Variants in SPAG6 observed in about 807,000 individuals in gnomAD.
SPAG6 encodes sperm associated antigen 6.
SPAG6 carries 49 observed loss-of-function variants against 58.5 expected under a neutral mutation model. The observed-to-expected ratio is 0.84, with a 90% confidence interval of 0.67 to 1.06. SPAG6 has a LOEUF of 1.06. Among genes scored for constraint, SPAG6 ranks in the 50% least tolerant of loss-of-function variants. The pLI is 0.00. For synonymous variants in SPAG6, 233 were observed against 225.6 expected (o/e 1.03, Z -0.29); for missense variants, 560 against 611.3 (o/e 0.92, Z 0.89).
intron 9 of SPAG6, among the ~76,000 whole-genome samples, chr10:22,409,199 A>T (rs895713785): frequency 6.6e-6 from 1 of 152,356 alleles, no homozygotes; most frequent in African/African-American, 2.4e-5. Flanking sequence ...CTAAAAAGAG[A>T]TGATAAAGCA....
intron 10 of SPAG6, among the ~76,000 whole-genome samples, chr10:22,413,482 G>T (rs1456579868): frequency 6.6e-6 from 1 of 151,758 alleles, no homozygotes; most frequent in East Asian, 1.9e-4. Flanking sequence ...GCAGTGAGCC[G>T]AGATTGTGCC....
intron 4 of SPAG6, 29 bp downstream of exon 4, chr10:22,368,707 T>A: frequency 6.5e-7 from 1 of 1,535,648 alleles, no homozygotes; most frequent in South Asian, 1.2e-5. Context: ...GAGCATATTT[T>A]AAAATAGGAT....
At chr10:22,415,308 G>T (rs932301487) in intron 10 of SPAG6, among the ~76,000 whole-genome samples, 14 of 150,958 alleles carry the variant, frequency 9.3e-5, no homozygotes, top group Non-Finnish European at 1.9e-4. Context: ...AAATTAAAAG[G>T]TTAAAATTTT....
intron 3 of SPAG6, among the ~76,000 whole-genome samples, chr10:22,367,730 A>G (rs955531053): frequency 6.6e-6 from 1 of 152,176 alleles, no homozygotes; most frequent in Admixed American, 6.5e-5. Context: ...GAAGAGAAAC[A>G]TGTTAGTCTT....
chr10:22,401,325 G>A, intron 9 of SPAG6, 48 bp downstream of exon 9: 1 of 997,214 alleles, frequency 1.0e-6, no homozygotes, highest in Non-Finnish European at 1.6e-6. Flanking sequence ...AAAATGATTT[G>A]TTGTTATTTT....
chr10:22,374,443 G>A (rs940833399), intron 4 of SPAG6, among the ~76,000 whole-genome samples: 3 of 151,984 alleles, frequency 2.0e-5, no homozygotes, highest in Admixed American at 6.6e-5. Flanking sequence ...CATATATAAT[G>A]CATTGAGTGA....
chr10:22,391,134 T>G (rs1834174535), intron 7 of SPAG6, among the ~76,000 whole-genome samples: 1 of 152,210 alleles, frequency 6.6e-6, no homozygotes, highest in South Asian at 2.1e-4. Flanking sequence ...GTAACAAAAG[T>G]AGTCGTTGTT....
In SPAG6 at chr10:22,386,823, T is replaced by C; in HGVS notation, c.542T>C (p.Ile181Thr). 1.9e-6 allele frequency: 3 copies of C among 1,613,626 alleles called. No homozygotes were observed. Among genetic ancestry groups the C allele is most frequent in the East Asian group, 4.5e-5 (2 of 44,880 alleles). The change falls in exon 5 of 11, where the codon ATT (isoleucine) becomes ACT (threonine). Residue 181 changes from isoleucine to threonine, a missense_variant. Physicochemically the swap from Ile to Thr is moderately conservative, Grantham distance 89. Coordinates refer to ENST00000376624, the MANE Select transcript of SPAG6 (RefSeq NM_012443.4). ...LLVLCIQEPE[I>T]ALKRIAASAL... The stretch of plus-strand genomic sequence containing the variant: ...GTACTCTGTATCCAGGAGCCAGAAA[T>C]TGCTTTGAAAAGGATTGCTGCTTCG...
chr10:22,370,967 C>A (rs1833671267), intron 4 of SPAG6, among the ~76,000 whole-genome samples: 1 of 152,144 alleles, frequency 6.6e-6, no homozygotes, highest in Non-Finnish European at 1.5e-5. Context: ...CCACAGATAA[C>A]ATTTCCATCC....
intron 4 of SPAG6, among the ~76,000 whole-genome samples, chr10:22,385,584 A>G (rs1331805025): frequency 1.3e-5 from 2 of 152,196 alleles, no homozygotes; most frequent in Admixed American, 6.5e-5. Context: ...TACTTGTTTA[A>G]TGGAAGAATG....
intron 2 of SPAG6, among the ~76,000 whole-genome samples, chr10:22,355,964 T>G (rs1023306917): frequency 1.3e-5 from 2 of 152,190 alleles, no homozygotes; most frequent in African/African-American, 4.8e-5. Flanking sequence ...ATATCATAAT[T>G]TGTTACAGAA....
At chr10:22,349,800 T>C (rs968682728) in intron 2 of SPAG6, among the ~76,000 whole-genome samples, 1 of 152,216 alleles carries the variant, frequency 6.6e-6, no homozygotes, top group South Asian at 2.1e-4. Context: ...AATTTTCAGA[T>C]TGAGGCAACT....
chr10:22,392,785 C>T (rs1277219140), intron 8 of SPAG6, among the ~76,000 whole-genome samples: 1 of 152,070 alleles, frequency 6.6e-6, no homozygotes, highest in African/African-American at 2.4e-5. Flanking sequence ...GAAGTATACA[C>T]TTAAGGGACT....
chr10:22,358,980 A>G (rs1836953564), intron 2 of SPAG6, among the ~76,000 whole-genome samples: 1 of 152,212 alleles, frequency 6.6e-6, no homozygotes, highest in Admixed American at 6.5e-5. Flanking sequence ...TAGTCTTGCC[A>G]AGGTCCCTCA....
chr10:22,397,801 G>A (rs908490182), intron 8 of SPAG6, among the ~76,000 whole-genome samples: 18 of 152,008 alleles, frequency 1.2e-4, no homozygotes, highest in Non-Finnish European at 2.6e-4. Flanking sequence ...TTCATGGACT[G>A]GAAGACTCAA....
chr10:22,400,001 A>G (rs561183632), intron 8 of SPAG6, among the ~76,000 whole-genome samples: 2 of 152,264 alleles, frequency 1.3e-5, no homozygotes, highest in Non-Finnish European at 2.9e-5. Flanking sequence ...TGTGTCAAGC[A>G]ATAAGAGGCT....
intron 8 of SPAG6, among the ~76,000 whole-genome samples, chr10:22,393,274 C>A (rs1320511936): frequency 6.6e-6 from 1 of 152,084 alleles, no homozygotes; most frequent in Non-Finnish European, 1.5e-5. Flanking sequence ...CCCTCTCCTG[C>A]CACCCTCCTG....
chr10:22,409,828 T>G (rs1834684979), intron 9 of SPAG6, among the ~76,000 whole-genome samples: 2 of 152,170 alleles, frequency 1.3e-5, no homozygotes, highest in Non-Finnish European at 2.9e-5. Flanking sequence ...TTCCACTGGC[T>G]TTTTCCTGTC....
In SPAG6 at chr10:22,387,803, G is replaced by A; in HGVS notation, c.679-20G>A. ...TGCTATATAGTGTTTTGTTGTTGTTGTTTTTTTTTTGCTTCACAGCATCAG... is the reference window on the plus strand; with the variant it reads ...TGCTATATAGTGTTTTGTTGTTGTTATTTTTTTTTTGCTTCACAGCATCAG... On this transcript the variant is annotated intron_variant, in intron 5 of 10. Transcript: ENST00000376624. The A allele has an allele frequency of 7.4e-7, 1 of 1,358,010 alleles. No homozygotes were observed. The highest frequency in any genetic ancestry group is 1.0e-6 in the Non-Finnish European group (1 of 1,000,750). 84.1% of individuals were successfully genotyped at this position (1,358,010 alleles called of 1,614,324 possible).
Sources: allele counts gnomAD v4.1 joint callset (sites outside exome capture counted in the v4.1 genomes callset), GRCh38; gene constraint gnomAD v4.1.1; transcripts MANE v1.5; gene names NCBI Gene and HGNC (gene_info 2026-07-23, HGNC 2026-07-21).